The following GLI2 variants were observed in gnomAD, a reference collection of about 807,000 sequenced individuals.
GLI2 encodes GLI family zinc finger 2.
In GLI2, 22 loss-of-function variants were observed where a neutral mutation model predicts 78.9. That is an observed-to-expected ratio of 0.28 (90% CI 0.20 to 0.40). The LOEUF (loss-of-function observed/expected upper bound fraction) is 0.40, where lower values mean the gene tolerates loss of function less well. Among genes scored for constraint, GLI2 ranks in the 10% least tolerant of loss-of-function variants. The pLI is 1.00. For synonymous variants in GLI2, 974 were observed against 963.7 expected (o/e 1.01, Z -0.20); for missense variants, 2,097 against 2,213.2 (o/e 0.95, Z 1.05).
intron 2 of GLI2, among the ~76,000 whole-genome samples, chr2:120,814,050 T>C (rs1685383734): frequency 6.6e-6 from 1 of 150,988 alleles, no homozygotes; most frequent in African/African-American, 2.4e-5. Context: ...GGGGGGACTC[T>C]GGGAGCTGGC....
rs367706077 is a variant in GLI2 at position 120,986,538 on chromosome 2, A to G, written c.2166A>G (p.Ser722=). ...AGCTCAAGAAGGAGAAGCTCAAGTC[A>G]CTCAAGGATTCCTGCTCATGGGCCG... is the stretch of plus-strand genomic sequence containing the variant. ...FEQLKKEKLK[S]LKDSCSWAGP... The change falls in exon 13 of 14, where the codon TCA becomes TCG. Residue 722 remains serine (S), a synonymous_variant. Transcript: ENST00000361492. 1 of 1,614,030 alleles carries G rather than the reference A, an allele frequency of 6.2e-7. No homozygotes were observed. The highest frequency in any genetic ancestry group is 1.1e-5 in the South Asian group (1 of 91,074).
intron 6 of GLI2, 116 bp downstream of exon 6, chr2:120,969,031 G>A (rs991090690): frequency 1.3e-6 from 1 of 748,370 alleles, no homozygotes; most frequent in Non-Finnish European, 2.3e-6. Flanking sequence ...AGGACCTGTG[G>A]CATTTGTGAA....
intron 2 of GLI2, among the ~76,000 whole-genome samples, chr2:120,924,281 C>T (rs1355402372): frequency 6.6e-6 from 1 of 152,140 alleles, no homozygotes; most frequent in Non-Finnish European, 1.5e-5. Flanking sequence ...AAGTACATAG[C>T]AAGGTGGGGA....
At chr2:120,974,802 G>C (rs78533532) in intron 8 of GLI2, 173 bp from the exon 9 acceptor site, 2 of 782,058 alleles carry the variant, frequency 2.6e-6, no homozygotes, top group South Asian at 1.4e-5. Context: ...GTGTGTGTGT[G>C]TCTGCATGCA....
chr2:120,896,563 CCAA>C (rs1415676834), intron 2 of GLI2, among the ~76,000 whole-genome samples: 2 of 152,046 alleles, frequency 1.3e-5, no homozygotes, highest in Non-Finnish European at 2.9e-5. Context: ...TTTAGCACCA[CCAA>C]CAACTGGCAT....
intron 2 of GLI2, among the ~76,000 whole-genome samples, chr2:120,879,065 C>G (rs1465318952): frequency 6.6e-6 from 1 of 152,158 alleles, no homozygotes; most frequent in Non-Finnish European, 1.5e-5. Context: ...GGCATTGCCC[C>G]GTGGGGTTTG....
chr2:120,854,387 C>G (rs1010742693), intron 2 of GLI2, among the ~76,000 whole-genome samples: 1 of 152,192 alleles, frequency 6.6e-6, no homozygotes, highest in Non-Finnish European at 1.5e-5. Flanking sequence ...CCGCGCATAG[C>G]CTTCCCTTTC....
At chr2:120,972,178 A>G in intron 8 of GLI2, 115 bp downstream of exon 8, 3 of 1,157,632 alleles carry the variant, frequency 2.6e-6, no homozygotes, top group Non-Finnish European at 3.8e-6. Context: ...GCATGGATGA[A>G]TGAGTGACCC....
chr2:120,777,796 G>A (rs1368079864), intron 1 of GLI2, among the ~76,000 whole-genome samples: 1 of 151,210 alleles, frequency 6.6e-6, no homozygotes, highest in African/African-American at 2.4e-5. Flanking sequence ...TTGTTTGGAG[G>A]GACAGCGATG....
intron 1 of GLI2, 42 bp from the exon 2 acceptor site, chr2:120,797,249 T>G (rs1573389225): frequency 6.5e-7 from 1 of 1,529,390 alleles, no homozygotes. Context: ...CCCGGCTGGG[T>G]TTGGGCTCAG....
intron 2 of GLI2, among the ~76,000 whole-genome samples, chr2:120,819,895 A>G (rs1685682177): frequency 6.6e-6 from 1 of 152,160 alleles, no homozygotes; most frequent in Non-Finnish European, 1.5e-5. Context: ...GAGGCAGGGA[A>G]GACTTCTTGG....
At chr2:120,913,077 A>T (rs1283648893) in intron 2 of GLI2, among the ~76,000 whole-genome samples, 1 of 152,266 alleles carries the variant, frequency 6.6e-6, no homozygotes, top group Non-Finnish European at 1.5e-5. Context: ...AGAAGTCTGT[A>T]GGAAGCTAAG....
chr2:120,753,569 T>C (rs1460131761), intron 1 of GLI2, among the ~76,000 whole-genome samples: 1 of 152,206 alleles, frequency 6.6e-6, no homozygotes, highest in Non-Finnish European at 1.5e-5. Context: ...AGTGTCTTTG[T>C]TTTTTCTTAA....
chr2:120,924,260 T>C (rs1679548263), intron 2 of GLI2, among the ~76,000 whole-genome samples: 1 of 152,158 alleles, frequency 6.6e-6, no homozygotes, highest in Non-Finnish European at 1.5e-5. Context: ...TGTGTGTGCA[T>C]TTGTTAACTA....
intron 2 of GLI2, among the ~76,000 whole-genome samples, chr2:120,902,185 A>ACCCC (rs11358856): frequency 2.6e-5 from 3 of 116,332 alleles, no homozygotes; most frequent in Non-Finnish European, 3.5e-5. Flanking sequence ...ATTGACACCC[A>ACCCC]CCCCCCCCCA....
chr2:120,830,808 T>G (rs1262102800), intron 2 of GLI2, among the ~76,000 whole-genome samples: 2 of 152,104 alleles, frequency 1.3e-5, no homozygotes, highest in East Asian at 3.9e-4. Context: ...CTTTCTCTGG[T>G]TCTCTCTGTC....
intron 2 of GLI2, among the ~76,000 whole-genome samples, chr2:120,920,303 C>A (rs1679305692): frequency 6.6e-6 from 1 of 152,270 alleles, no homozygotes; most frequent in Non-Finnish European, 1.5e-5. Context: ...TGTGGCAACA[C>A]ATGACTTCAT....
intron 2 of GLI2, among the ~76,000 whole-genome samples, chr2:120,882,758 T>G (rs879268983): frequency 3.9e-5 from 6 of 152,224 alleles, no homozygotes; most frequent in Non-Finnish European, 7.3e-5. Flanking sequence ...AGATAGCTGG[T>G]TTGGTCTCAC....
At chr2:120,947,485 A>C in intron 3 of GLI2, among the ~76,000 whole-genome samples, 1 of 152,174 alleles carries the variant, frequency 6.6e-6, no homozygotes, top group East Asian at 1.9e-4. Flanking sequence ...CCCTGTGCAA[A>C]AGAGACATCT....
Sources: allele counts gnomAD v4.1 joint callset (sites outside exome capture counted in the v4.1 genomes callset), GRCh38; gene constraint gnomAD v4.1.1; transcripts MANE v1.5; gene names NCBI Gene and HGNC (gene_info 2026-07-23, HGNC 2026-07-21).